The following LCE1C variants were observed in gnomAD, a reference collection of about 807,000 sequenced individuals.
LCE1C encodes the protein late cornified envelope protein 1C.
Under a neutral mutation model 0.7 loss-of-function variants are expected in LCE1C, and 1 was observed. That is an observed-to-expected ratio of 1.44 (90% CI 0.51 to 6.83). The LOEUF is 6.83. Ranked by LOEUF, LCE1C falls within the 30% of genes most tolerant of loss-of-function variation. The pLI, the probability that LCE1C is intolerant of heterozygous loss-of-function variation, is 0.14. For synonymous variants in LCE1C, 72 were observed against 57.9 expected (o/e 1.24, Z -1.10); for missense variants, 136 against 149.6 (o/e 0.91, Z 0.48).
At chr1:152,806,103 A>G (rs1049184627) in intron 1 of LCE1C, among the ~76,000 whole-genome samples, 4 of 152,102 alleles carry the variant, frequency 2.6e-5, no homozygotes, top group East Asian at 3.9e-4. Flanking sequence ...TCATCACGCA[A>G]CGGCCTCACA....
At position 152,805,155 on chromosome 1, in the gene LCE1C, C is replaced by T. The variant is rs372400123; in HGVS notation, c.324G>A (p.Gly108=). The T allele has an allele frequency of 2.4e-5, 38 of 1,610,928 alleles. 2 individuals are homozygous for T. In the South Asian group the frequency reaches 2.4e-4, roughly 10 times the overall value. ...QPSGGSSCCG[G]GSGQHSGGCC ...AGCCTCCAGAGTGCTGGCCACTCCC[C>T]CCGCCACAGCAGCTGGAGCCCCCCG... Residue 108 remains glycine, a synonymous_variant, in exon 2 of 2, where the codon GGG becomes GGA. Coordinates refer to ENST00000607093, the MANE Select transcript of LCE1C (RefSeq NM_178351.4).
chr1:152,805,968 G>A lies in LCE1C; in HGVS notation c.-20-470C>T, dbSNP rs113510459. Among the ~76,000 whole-genome samples, 1,187 of 152,272 alleles carry A rather than the reference G, an allele frequency of 7.8e-3. 11 individuals carry two copies. The highest frequency in any genetic ancestry group is 0.027 in the African/African-American group (1,122 of 41,534). On this transcript the variant is annotated intron_variant, in intron 1 of 1. Transcript: ENST00000607093. The stretch of plus-strand genomic sequence containing the variant: ...ACCTGCGCATGTACAATTGTAAATG[G>A]TTTTGGAGACAGGCTGGTCTCACAG...
In LCE1C at chr1:152,805,466, G is replaced by C. The variant is rs1399132761; in HGVS notation, c.13C>G (p.Gln5Glu). 1 of 1,614,082 alleles carries C rather than the reference G, an allele frequency of 6.2e-7. No homozygotes were observed. The highest frequency in any genetic ancestry group is 1.7e-5 in the Admixed American group (1 of 60,024). Residue 5 changes from glutamine (Q) to glutamate (E), a missense_variant, in exon 2 of 2, where the codon CAG (glutamine) becomes GAG (glutamate). Transcript: ENST00000607093. Reference sequence around the variant, plus strand: ...GGGGGCTGGCACTGCTGCTGGCTCTGCTGGCAGGACATCTTGGTGGCGGAT... The same window carrying C: ...GGGGGCTGGCACTGCTGCTGGCTCTCCTGGCAGGACATCTTGGTGGCGGAT... The part of the protein sequence containing the change: MSCQ[Q>E]SQQQCQPPPK...
At position 152,805,312 on chromosome 1, in the gene LCE1C, G is replaced by C. The variant is rs779438640; in HGVS notation, c.167C>G (p.Ser56Cys). 4 of 1,614,052 alleles carry C rather than the reference G, an allele frequency of 2.5e-6. No homozygotes were observed. Among genetic ancestry groups the C allele is most frequent in the Non-Finnish European group, 3.4e-6 (4 of 1,180,012 alleles). The change falls in exon 2 of 2, where the codon TCT becomes TGT. Residue 56 changes from serine to cysteine, a missense_variant. By Grantham distance (112) the Ser-to-Cys change is moderately radical (BLOSUM62 -1). Transcript: ENST00000607093. ...AGAGCTGGAGCCACAGCTGCCCCCA[G>C]AGCTGGAGCCACAGCAGCCTCCGGA... ...VSSGGCCGSS[S>C]GGSCGSSSGG...
Position 152,804,843 on chromosome 1 carries a change from A to T in LCE1C, c.*279T>A, listed in dbSNP as rs1016514756. On this transcript the variant is annotated 3_prime_UTR_variant, in exon 2 of 2. Coordinates refer to ENST00000607093, the MANE Select transcript of LCE1C (RefSeq NM_178351.4). Reference sequence around the variant, plus strand: ...AGACACTGAGCAGATTCCTTGTTTTAGTCCTTTAATCAGCAGATGCACGCT... The same window carrying T: ...AGACACTGAGCAGATTCCTTGTTTTTGTCCTTTAATCAGCAGATGCACGCT... 17 of 446,232 alleles carry T rather than the reference A, an allele frequency of 3.8e-5. 1 individual carries two copies. In the South Asian group the frequency reaches 6.1e-4, roughly 16 times the overall value. 27.6% of individuals were successfully genotyped at this position (446,232 alleles called of 1,614,324 possible). A position where few individuals can be genotyped will look rare whatever the true frequency, so the allele number is the denominator to read the frequency against.
chr1:152,805,307 C>T lies in LCE1C; in HGVS notation c.172G>A (p.Gly58Ser), dbSNP rs1319225339. ...CCCCCAGAGCTGGAGCCACAGCTGCCCCCAGAGCTGGAGCCACAGCAGCCT... is the reference window on the plus strand; with the variant it reads ...CCCCCAGAGCTGGAGCCACAGCTGCTCCCAGAGCTGGAGCCACAGCAGCCT... ...SGGCCGSSSG[G>S]SCGSSSGGCC... is the part of the protein sequence containing the mutation. The change falls in exon 2 of 2, where the codon GGC (glycine) becomes AGC (serine). Residue 58 changes from glycine (G) to serine (S), a missense_variant. Coordinates refer to ENST00000607093, the MANE Select transcript of LCE1C (RefSeq NM_178351.4). The T allele has an allele frequency of 6.2e-7, 1 of 1,613,958 alleles. No individual in the cohort carries two copies. Among genetic ancestry groups the T allele is most frequent in the Non-Finnish European group, 8.5e-7 (1 of 1,180,026 alleles).
Position 152,804,931 on chromosome 1 carries a change from G to T in LCE1C, c.*191C>A. On this transcript the variant is annotated 3_prime_UTR_variant, in exon 2 of 2. Coordinates refer to ENST00000607093, the MANE Select transcript of LCE1C (RefSeq NM_178351.4). ...CGTGGGAGGGTAGCCACAAAGGTGA[G>T]GTCCAAGGCCAGTGAATGGAGATCC... 1.4e-6 allele frequency: 1 copy of T among 723,970 alleles called. No individual in the cohort carries two copies. Among genetic ancestry groups the T allele is most frequent in the Non-Finnish European group, 2.3e-6 (1 of 431,230 alleles). 44.8% of individuals were successfully genotyped at this position (723,970 alleles called of 1,614,324 possible). A position where few individuals can be genotyped will look rare whatever the true frequency, so the allele number is the denominator to read the frequency against.
chr1:152,805,198 C>T lies in LCE1C; in HGVS notation c.281G>A (p.Gly94Asp), dbSNP rs1652296455. Residue 94 changes from glycine (G) to aspartate (D), a missense_variant, in exon 2 of 2, where the codon GGC becomes GAC. Physicochemically the swap from Gly to Asp is moderately conservative, Grantham distance 94. Transcript: ENST00000607093. ...GCCCCCCGAGGGCTGGCTGCAGCAG[C>T]CAGAGCTCTGGGGTCTGTGGCAGTG... ...RSHCHRPQSS[G>D]CCSQPSGGSS... is the part of the protein sequence containing the mutation. 5 of 1,613,556 alleles carry T rather than the reference C, an allele frequency of 3.1e-6. No homozygotes were observed. Among genetic ancestry groups the T allele is most frequent in the Admixed American group, 1.7e-5 (1 of 59,984 alleles).
chr1:152,804,931 G>A lies in LCE1C; in HGVS notation c.*191C>T, dbSNP rs1570862298. The A allele has an allele frequency of 2.8e-6, 2 of 723,970 alleles. No individual in the cohort carries two copies. Among genetic ancestry groups the A allele is most frequent in the Non-Finnish European group, 4.6e-6 (2 of 431,230 alleles). 44.8% of individuals were successfully genotyped at this position (723,970 alleles called of 1,614,324 possible). A position where few individuals can be genotyped will look rare whatever the true frequency, so the allele number is the denominator to read the frequency against. ...CGTGGGAGGGTAGCCACAAAGGTGAGGTCCAAGGCCAGTGAATGGAGATCC... is the reference window on the plus strand; with the variant it reads ...CGTGGGAGGGTAGCCACAAAGGTGAAGTCCAAGGCCAGTGAATGGAGATCC... On this transcript the variant is annotated 3_prime_UTR_variant, in exon 2 of 2. Coordinates refer to ENST00000607093, the MANE Select transcript of LCE1C (RefSeq NM_178351.4).
At position 152,806,622 on chromosome 1, in the gene LCE1C, G is replaced by A. The variant is rs543654250; in HGVS notation, c.-42C>T. ...TTACCGGGGTCACAGGCAGCACAGG[G>A]TCCTTCAGCACCTCGGGAGGTGAGT... On this transcript the variant is annotated 5_prime_UTR_variant, in exon 1 of 2. Transcript: ENST00000607093. 1 of 152,632 alleles carries A rather than the reference G, an allele frequency of 6.6e-6. No homozygotes were observed. The highest frequency in any genetic ancestry group is 6.5e-5 in the Admixed American group (1 of 15,304). 9.5% of individuals were successfully genotyped at this position (152,632 alleles called of 1,614,324 possible). A position where few individuals can be genotyped will look rare whatever the true frequency, so the allele number is the denominator to read the frequency against.
In LCE1C at chr1:152,805,108, G is replaced by C; in HGVS notation, c.*14C>G. On this transcript the variant is annotated 3_prime_UTR_variant, in exon 2 of 2. Coordinates refer to ENST00000607093, the MANE Select transcript of LCE1C (RefSeq NM_178351.4). ...GCGGTCCTGGATTCTGCTCTTCTAG[G>C]CTCAGGGTCCACTTCAGCAGCAGCC... 1 of 1,577,884 alleles carries C rather than the reference G, an allele frequency of 6.3e-7. No homozygotes were observed. Among genetic ancestry groups the C allele is most frequent in the Non-Finnish European group, 8.6e-7 (1 of 1,163,066 alleles).
chr1:152,805,725 C>A (rs963369829), intron 1 of LCE1C, among the ~76,000 whole-genome samples: 7 of 152,116 alleles, frequency 4.6e-5, no homozygotes, highest in Non-Finnish European at 7.4e-5. Context: ...ATTACTATAT[C>A]TTTTACAAAG....
intron 1 of LCE1C, among the ~76,000 whole-genome samples, chr1:152,805,916 C>T (rs1652327243): frequency 6.6e-6 from 1 of 152,154 alleles, no homozygotes; most frequent in African/African-American, 2.4e-5. Context: ...CTTGGAGTAA[C>T]TTCCTAGGAG....
intron 1 of LCE1C, among the ~76,000 whole-genome samples, chr1:152,806,105 G>T (rs912087246): frequency 6.6e-6 from 1 of 152,074 alleles, no homozygotes; most frequent in African/African-American, 2.4e-5. Context: ...ATCACGCAAC[G>T]GCCTCACAGT....
intron 1 of LCE1C, 95 bp from the exon 2 acceptor site, chr1:152,805,593 T>G (rs1006103974): frequency 2.1e-6 from 2 of 952,726 alleles, no homozygotes; most frequent in African/African-American, 1.6e-5. Flanking sequence ...TTTATTTTGA[T>G]GAACTGTTCA....
At chr1:152,806,325 A>G (rs1240714660) in intron 1 of LCE1C, among the ~76,000 whole-genome samples, 1 of 152,182 alleles carries the variant, frequency 6.6e-6, no homozygotes, top group African/African-American at 2.4e-5. Flanking sequence ...TCCTATTTGA[A>G]GTTGTTCTAG....
Position 152,805,119 on chromosome 1 carries a change from A to T in LCE1C, c.*3T>A. On this transcript the variant is annotated 3_prime_UTR_variant, in exon 2 of 2. Transcript: ENST00000607093. ...TTCTGCTCTTCTAGGCTCAGGGTCC[A>T]CTTCAGCAGCAGCCTCCAGAGTGCT... is the stretch of plus-strand genomic sequence containing the variant. 6.3e-7 allele frequency: 1 copy of T among 1,588,504 alleles called. No individual in the cohort carries two copies.
intron 1 of LCE1C, 144 bp from the exon 2 acceptor site, chr1:152,805,642 G>A (rs35436039): frequency 0.34 from 240,935 of 709,596 alleles, 43,481 homozygotes; most frequent in Non-Finnish European, 0.38. Flanking sequence ...AAATTTTGTT[G>A]TTTCTTGTAG....
In LCE1C at chr1:152,805,292, T is replaced by C. The variant is rs752335872; in HGVS notation, c.187A>G (p.Ser63Gly). The C allele has an allele frequency of 6.2e-6, 10 of 1,613,662 alleles. No homozygotes were observed. The highest frequency in any genetic ancestry group is 1.7e-4 in the Middle Eastern group (1 of 6,032). ...CCAGAACTGCAGCATCCCCCAGAGC[T>C]GGAGCCACAGCTGCCCCCAGAGCTG... ...GSSSGGSCGSSSGGCCSSGGG... is the reference protein window; with the variant it reads ...GSSSGGSCGSGSGGCCSSGGG... The change falls in exon 2 of 2, where the codon AGC becomes GGC. Residue 63 changes from serine to glycine, a missense_variant. Transcript: ENST00000607093.
Sources: gnomAD v4.1 joint callset for allele counts (sites outside exome capture counted in the v4.1 genomes callset) on GRCh38, gnomAD v4.1.1 for gene constraint, MANE v1.5 for transcripts, NCBI Gene and HGNC (gene_info 2026-07-23, HGNC 2026-07-21) for gene names.